MAST4: variants seen among roughly 807,000 people sequenced by gnomAD.
The protein encoded by MAST4 is microtubule-associated serine/threonine-protein kinase 4.
A neutral mutation model predicts 162.7 loss-of-function variants in MAST4; 89 were observed. The observed-to-expected ratio is 0.55, with a 90% confidence interval of 0.46 to 0.65. The LOEUF (loss-of-function observed/expected upper bound fraction) is 0.65. Ranked by LOEUF, MAST4 falls within the 30% of genes least tolerant of loss-of-function variation. The probability of loss-of-function intolerance (pLI) is 0.00; values close to 1 mark genes in which losing one functional copy is unlikely to be tolerated. For missense variants in MAST4, 3,153 were observed against 3,374.0 expected (o/e 0.93, Z 1.62); for synonymous variants, 1,479 against 1,361.1 (o/e 1.09, Z -1.91).
chr5:66,981,028 G>A (rs977474106), intron 4 of MAST4, among the ~76,000 whole-genome samples: 1 of 152,096 alleles, frequency 6.6e-6, no homozygotes, highest in Non-Finnish European at 1.5e-5. Flanking sequence ...AAAAAATAGT[G>A]CTGGACTGAG....
chr5:66,736,231 C>T (rs1383008430), intron 1 of MAST4, among the ~76,000 whole-genome samples: 2 of 152,092 alleles, frequency 1.3e-5, no homozygotes, highest in Admixed American at 6.5e-5. Flanking sequence ...CTCCCTGCTA[C>T]CACTTATACT....
At chr5:66,890,172 A>G (rs1762280322) in intron 3 of MAST4, among the ~76,000 whole-genome samples, 1 of 152,236 alleles carries the variant, frequency 6.6e-6, no homozygotes, top group Admixed American at 6.5e-5. Context: ...CACAAAGTAC[A>G]ATATGACTGT....
intron 3 of MAST4, among the ~76,000 whole-genome samples, chr5:66,806,587 A>T (rs968795938): frequency 6.6e-6 from 1 of 152,192 alleles, no homozygotes; most frequent in East Asian, 1.9e-4. Flanking sequence ...GACCCACTTG[A>T]TCAGTTGGGA....
At chr5:67,027,669 A>G (rs781432794) in intron 4 of MAST4, among the ~76,000 whole-genome samples, 16 of 152,202 alleles carry the variant, frequency 1.1e-4, no homozygotes, top group Non-Finnish European at 1.9e-4. Flanking sequence ...CAGTCTAAAA[A>G]CATGTTTGTG....
At chr5:66,634,808 G>C (rs1745001599) in intron 1 of MAST4, among the ~76,000 whole-genome samples, 1 of 152,214 alleles carries the variant, frequency 6.6e-6, no homozygotes, top group Non-Finnish European at 1.5e-5. Flanking sequence ...GGTGGAATCA[G>C]CTGTATCTAC....
chr5:67,079,908 A>T (rs1252789107), intron 5 of MAST4, among the ~76,000 whole-genome samples: 1 of 152,096 alleles, frequency 6.6e-6, no homozygotes, highest in African/African-American at 2.4e-5. Flanking sequence ...GTGGTCAGGG[A>T]TGGTCTGATT....
intron 5 of MAST4, among the ~76,000 whole-genome samples, chr5:67,054,971 C>T (rs1425687845): frequency 6.6e-6 from 1 of 150,746 alleles, no homozygotes; most frequent in African/African-American, 2.4e-5. Flanking sequence ...TAGAACAGTA[C>T]TGTAAAAACT....
At chr5:67,126,830 T>G (rs1301945579) in intron 14 of MAST4, among the ~76,000 whole-genome samples, 1 of 152,236 alleles carries the variant, frequency 6.6e-6, no homozygotes, top group Non-Finnish European at 1.5e-5. Flanking sequence ...TAAATTGCTT[T>G]GGGCAGTATG....
At chr5:66,769,380 C>T (rs890383810) in intron 2 of MAST4, among the ~76,000 whole-genome samples, 1 of 152,104 alleles carries the variant, frequency 6.6e-6, no homozygotes, top group South Asian at 2.1e-4. Context: ...GGGGAGTGAG[C>T]AGCAGGTGGA....
rs374956154 is a variant in MAST4 at position 67,000,705 on chromosome 5, G to A, written c.675-53699G>A. On this transcript the variant is annotated intron_variant, in intron 4 of 28. Coordinates refer to ENST00000403625, the MANE Select transcript of MAST4 (RefSeq NM_001164664.2). The stretch of plus-strand genomic sequence containing the variant: ...AGAGGTTGCAGTAAGCCAAGATCGC[G>A]CCACTGCACTCCAGCCTGGGCGACA... Among the ~76,000 whole-genome samples the A allele has an allele frequency of 4.8e-5, 7 of 145,104 alleles. 1 individual carries two copies. Among genetic ancestry groups the A allele is most frequent in the African/African-American group, 1.5e-4 (6 of 40,200 alleles).
intron 3 of MAST4, among the ~76,000 whole-genome samples, chr5:66,859,063 CATG>C (rs148500098): frequency 6.6e-6 from 1 of 152,138 alleles, no homozygotes; most frequent in African/African-American, 2.4e-5. Context: ...AATAGAATCT[CATG>C]ATGTTTTAGT....
At chr5:67,008,665 G>T (rs976428136) in intron 4 of MAST4, among the ~76,000 whole-genome samples, 2 of 152,264 alleles carry the variant, frequency 1.3e-5, no homozygotes, top group South Asian at 2.1e-4. Flanking sequence ...TTTCCACGCC[G>T]ATGGGTAGTT....
chr5:66,675,556 T>A (rs1010746587), intron 1 of MAST4, among the ~76,000 whole-genome samples: 1 of 152,160 alleles, frequency 6.6e-6, no homozygotes, highest in African/African-American at 2.4e-5. Flanking sequence ...AGCATCTGAA[T>A]CCAAAGAGTG....
At position 67,165,793 on chromosome 5, in the gene MAST4, C is replaced by G. The variant is rs368671655; in HGVS notation, c.6614C>G (p.Thr2205Ser). ...RPGPDPGPPK[T>S]KHPDRSLSSQ... is the part of the protein sequence containing the mutation. The stretch of plus-strand genomic sequence containing the variant: ...GGCCCTGACCCGGGCCCTCCAAAGA[C>G]TAAGCACCCCGACCGGTCCCTCTCC... Residue 2205 changes from threonine (T) to serine (S), a missense_variant, in exon 29 of 29, where the codon ACT (threonine) becomes AGT (serine). Physicochemically the swap from Thr to Ser is moderately conservative, Grantham distance 58. Coordinates refer to ENST00000403625, the MANE Select transcript of MAST4 (RefSeq NM_001164664.2). 31 of 1,609,326 alleles carry G rather than the reference C, an allele frequency of 1.9e-5. No individual in the cohort carries two copies. The highest frequency in any genetic ancestry group is 2.5e-5 in the Non-Finnish European group (30 of 1,178,158).
At chr5:66,935,359 G>C (rs1040920070) in intron 4 of MAST4, among the ~76,000 whole-genome samples, 4 of 152,120 alleles carry the variant, frequency 2.6e-5, no homozygotes, top group African/African-American at 9.7e-5. Context: ...TTTTATGAGA[G>C]TAATTACCAT....
intron 4 of MAST4, among the ~76,000 whole-genome samples, chr5:67,053,086 G>T (rs1298534599): frequency 6.6e-6 from 1 of 152,042 alleles, no homozygotes; most frequent in South Asian, 2.1e-4. Flanking sequence ...CTGCTTTAAG[G>T]CTGAGTAAAC....
intron 3 of MAST4, among the ~76,000 whole-genome samples, chr5:66,870,265 G>T (rs1760832094): frequency 6.6e-6 from 1 of 152,138 alleles, no homozygotes; most frequent in African/African-American, 2.4e-5. Flanking sequence ...TACGAATTCT[G>T]CCAGGATGAT....
chr5:66,660,621 A>G (rs961156219), intron 1 of MAST4, among the ~76,000 whole-genome samples: 1 of 152,346 alleles, frequency 6.6e-6, no homozygotes, highest in South Asian at 2.1e-4. Flanking sequence ...TAAATACAGT[A>G]AAGCTGGTAT....
Position 67,166,726 on chromosome 5 carries a change from C to A in MAST4, c.7547C>A (p.Thr2516Lys). 1 of 1,589,940 alleles carries A rather than the reference C, an allele frequency of 6.3e-7. No individual in the cohort carries two copies. The highest frequency in any genetic ancestry group is 8.6e-7 in the Non-Finnish European group (1 of 1,168,376). Residue 2516 changes from threonine (T) to lysine (K), a missense_variant, in exon 29 of 29, where the codon ACA (threonine) becomes AAA (lysine). By Grantham distance (78) the Thr-to-Lys change is moderately conservative. Around this residue, in one of 7 missense-constraint regions of MAST4, gnomAD observed 1,644 missense variants for 1,495.0 expected, o/e 1.10. Coordinates refer to ENST00000403625, the MANE Select transcript of MAST4 (RefSeq NM_001164664.2). The part of the protein sequence containing the change: ...QPAGEGRTHM[T>K]KSDSLPSFRV... ...GCCGGGGAGGGCCGAACCCACATGA[C>A]AAAGAGTGACTCCCTGCCCTCCTTC... is the stretch of plus-strand genomic sequence containing the variant.
Sources: gnomAD v4.1 joint callset for allele counts (sites outside exome capture counted in the v4.1 genomes callset) on GRCh38, gnomAD v4.1.1 for gene constraint, gnomAD v4.1.1 regional missense constraint, MANE v1.5 for transcripts, NCBI Gene and HGNC (gene_info 2026-07-23, HGNC 2026-07-21) for gene names.